Variants in GNL3L observed in about 807,000 individuals in gnomAD.
GNL3L encodes the protein G protein nucleolar 3 like, also known as guanine nucleotide-binding protein-like 3-like protein.
Under a neutral mutation model 42.9 loss-of-function variants are expected in GNL3L, and 4 were observed. That is an observed-to-expected ratio of 0.09 (90% CI 0.05 to 0.21). The LOEUF (loss-of-function observed/expected upper bound fraction) is 0.21. Ranked by LOEUF, GNL3L falls within the 10% of genes least tolerant of loss-of-function variation. The pLI, the probability that GNL3L is intolerant of heterozygous loss-of-function variation, is 1.00. For synonymous variants in GNL3L, 159 were observed against 176.3 expected (o/e 0.90, Z 0.78); for missense variants, 412 against 481.7 (o/e 0.86, Z 1.36).
intron 14 of GNL3L, among the ~76,000 whole-genome samples, chrX:54,554,969 C>G (rs1325658297): frequency 9.0e-6 from 1 of 111,296 alleles, no homozygotes. Context: ...ACGACTCTTT[C>G]TTCTCCCTAA....
At chrX:54,557,243 C>A (rs747656438) in intron 14 of GNL3L, among the ~76,000 whole-genome samples, 1 of 108,769 alleles carries the variant, frequency 9.2e-6, no homozygotes, top group East Asian at 3.0e-4. Flanking sequence ...CCACACGGAG[C>A]TGGACACAAA....
chrX:54,574,919 T>G (rs1925613619), intron 16 of GNL3L, among the ~76,000 whole-genome samples: 1 of 112,481 alleles, frequency 8.9e-6, no homozygotes, highest in Non-Finnish European at 1.9e-5. Context: ...TAGAATTTGC[T>G]TATAATCTTT....
chrX:54,542,905 G>T, intron 5 of GNL3L, 50 bp from the exon 6 acceptor site: 1 of 782,120 alleles, frequency 1.3e-6, no homozygotes, highest in Non-Finnish European at 1.9e-6. Context: ...TCTCTTTCTC[G>T]CTCTCTCCCC....
At chrX:54,630,662 T>TTCCTTCCTTCCTTCC in the GNL3L span, among the ~76,000 whole-genome samples, 601 of 53,362 alleles carry the variant, frequency 0.011, 27 homozygotes, top group East Asian at 0.038. Context: ...TTTCTCCTTC[T>TTCCTTCCTTCCTTCC]TTCCTTCCTT....
intron 16 of GNL3L, among the ~76,000 whole-genome samples, chrX:54,597,873 C>T (rs182726639): frequency 1.3e-3 from 148 of 111,045 alleles, no homozygotes; most frequent in Middle Eastern, 4.6e-3. Flanking sequence ...CTCTCCCTGC[C>T]GCCAGCACAC....
chrX:54,567,855 TC>T (rs753535384), downstream of GNL3L, among the ~76,000 whole-genome samples: 196 of 111,925 alleles, frequency 1.8e-3, 1 homozygote, highest in African/African-American at 6.2e-3. Context: ...ACATGGTTTT[TC>T]TTTTGTGGTT....
chrX:54,536,075 G>C (rs1156792256), intron 2 of GNL3L, among the ~76,000 whole-genome samples: 14 of 111,312 alleles, frequency 1.3e-4, no homozygotes, highest in Admixed American at 1.2e-3. Context: ...TTACAGGTGC[G>C]TGCCAACACG....
At chrX:54,530,491 G>C (rs971523106) in intron 1 of GNL3L, 72 bp downstream of exon 1, 6 of 111,602 alleles carry the variant, frequency 5.4e-5, no homozygotes, top group African/African-American at 2.0e-4. Flanking sequence ...ACGTGGAGAC[G>C]CGCCGAATTG....
At chrX:54,556,415 C>T (rs1925097911) in intron 14 of GNL3L, among the ~76,000 whole-genome samples, 1 of 110,912 alleles carries the variant, frequency 9.0e-6, no homozygotes, top group Non-Finnish European at 1.9e-5. Flanking sequence ...CAATTACTTC[C>T]ACCTGGTCTC....
At chrX:54,601,959 C>T (rs368823024) in intron 16 of GNL3L, among the ~76,000 whole-genome samples, 2 of 112,006 alleles carry the variant, frequency 1.8e-5, no homozygotes, top group Non-Finnish European at 3.8e-5. Flanking sequence ...TATGGATATA[C>T]ATACCACAGG....
chrX:54,558,589 C>A lies in GNL3L; in HGVS notation c.1600C>A (p.Pro534Thr), dbSNP rs1159164179. ...GCTGCAGAGGATCATGGAGACGGAC[C>A]CCCTGCAACAGGGCCAGGCTCTGGC... ...SVLQRIMETD[P>T]LQQGQALASA... The change falls in exon 15 of 16, where the codon CCC becomes ACC. Residue 534 changes from proline (P) to threonine (T), a missense_variant. By Grantham distance (38) the Pro-to-Thr change is conservative. Transcript: ENST00000360845. The A allele has an allele frequency of 8.3e-7, 1 of 1,210,677 alleles. No individual in the cohort carries two copies. Among genetic ancestry groups the A allele is most frequent in the Admixed American group, 2.2e-5 (1 of 45,958 alleles).
the GNL3L span, among the ~76,000 whole-genome samples, chrX:54,634,782 C>T: frequency 2.1e-4 from 19 of 88,462 alleles, no homozygotes; most frequent in Middle Eastern, 8.9e-3. Flanking sequence ...CCACTGCGCC[C>T]GGCTCTTTTT....
rs1925308227 is a variant in GNL3L at position 54,562,759 on chromosome X, C to T, written c.*2157C>T. 9.2e-6 allele frequency among the ~76,000 whole-genome samples: 1 copy of T among 108,178 alleles called. No individual in the cohort carries two copies. The highest frequency in any genetic ancestry group is 3.4e-5 in the African/African-American group (1 of 29,630). 93.9% of individuals were successfully genotyped at this position (108,178 alleles called of 115,157 possible). On this transcript the variant is annotated 3_prime_UTR_variant, in exon 16 of 16. Transcript: ENST00000360845. Reference sequence around the variant, plus strand: ...AGTGAGTCGACATCACACCACTGCACTCCAGCCTGGGGGACAGAGTGAGAC... The same window carrying T: ...AGTGAGTCGACATCACACCACTGCATTCCAGCCTGGGGGACAGAGTGAGAC...
At chrX:54,576,841 T>C (rs1925641776) in intron 16 of GNL3L, among the ~76,000 whole-genome samples, 1 of 112,244 alleles carries the variant, frequency 8.9e-6, no homozygotes, top group African/African-American at 3.2e-5. Context: ...ATTTATCTCA[T>C]GTGTTTTGTG....
chrX:54,543,748 GC>G (rs1297056681), intron 7 of GNL3L, among the ~76,000 whole-genome samples: 50 of 111,791 alleles, frequency 4.5e-4, no homozygotes, highest in African/African-American at 1.5e-3. Context: ...TGTTTCTCTA[GC>G]TGTAAAATGG....
chrX:54,642,076 TC>T, the GNL3L span, among the ~76,000 whole-genome samples: 1 of 112,036 alleles, frequency 8.9e-6, no homozygotes, highest in Non-Finnish European at 1.9e-5. Flanking sequence ...TGATTCGTGA[TC>T]TAGCTTCACT....
intron 3 of GNL3L, 65 bp downstream of exon 3, chrX:54,539,166 TA>T: frequency 1.7e-6 from 1 of 574,148 alleles, no homozygotes. Context: ...AGAGGCCCAC[TA>T]AACCCAGTAA....
At chrX:54,557,429 A>ATTTTAT (rs770649071) in intron 14 of GNL3L, among the ~76,000 whole-genome samples, 232 of 106,395 alleles carry the variant, frequency 2.2e-3, no homozygotes, top group African/African-American at 7.1e-3. Context: ...TGCGCAGCTA[A>ATTTTAT]TTTTATTTTT....
Position 54,612,575 on chromosome X carries a change from G to A in GNL3L, c.*46-8270G>A, listed in dbSNP as rs748322229. 3.8e-3 allele frequency among the ~76,000 whole-genome samples: 429 copies of A among 111,796 alleles called. 3 individuals are homozygous for A. Among genetic ancestry groups the A allele is most frequent in the African/African-American group, 0.013 (395 of 30,752 alleles). ...CTGTTTTGATGTGTTCCCAGGATTT[G>A]TTTCAAGATTTAGAGTTCCTTTTAG... On this transcript the variant is annotated intron_variant, in intron 16 of 16. Coordinates refer to the GNL3L transcript ENST00000674498.
Sources: gnomAD v4.1 joint callset for allele counts (sites outside exome capture counted in the v4.1 genomes callset) on GRCh38, gnomAD v4.1.1 for gene constraint, MANE v1.5 for transcripts, NCBI Gene and HGNC (gene_info 2026-07-23, HGNC 2026-07-21) for gene names.